Variants in CLMN observed in about 807,000 individuals in gnomAD.
The protein encoded by CLMN is calmin (calponin-like, transmembrane).
CLMN carries 57 observed loss-of-function variants against 92.7 expected under a neutral mutation model. That is an observed-to-expected ratio of 0.61 (90% confidence interval 0.50 to 0.77). The LOEUF is 0.77. Ranked by LOEUF, CLMN falls within the 30% of genes least tolerant of loss-of-function variation. The pLI is 0.00. For missense variants in CLMN, 1,158 were observed against 1,237.5 expected (o/e 0.94, Z 0.96); for synonymous variants, 466 against 470.6 (o/e 0.99, Z 0.13).
chr14:95,311,750 G>GC (rs1308699350), intron 1 of CLMN, among the ~76,000 whole-genome samples: 2 of 151,964 alleles, frequency 1.3e-5, no homozygotes, highest in Non-Finnish European at 2.9e-5. Context: ...TGACCCCATG[G>GC]CCCCCCACCA....
intron 1 of CLMN, among the ~76,000 whole-genome samples, chr14:95,295,224 G>A (rs917056341): frequency 1.3e-5 from 2 of 152,228 alleles, no homozygotes; most frequent in African/African-American, 2.4e-5. Context: ...AATGTGTTCA[G>A]GCTGCAATGC....
intron 7 of CLMN, among the ~76,000 whole-genome samples, chr14:95,209,823 C>G (rs1231809064): frequency 6.6e-6 from 1 of 152,184 alleles, no homozygotes; most frequent in Admixed American, 6.5e-5. Context: ...ATACGGAGTC[C>G]TACGTTAGCC....
chr14:95,274,794 CA>C (rs1188734147), intron 1 of CLMN, among the ~76,000 whole-genome samples: 1 of 152,172 alleles, frequency 6.6e-6, no homozygotes, highest in Non-Finnish European at 1.5e-5. Flanking sequence ...TCTTGGCCAA[CA>C]AGGTGAAACC....
chr14:95,232,455 A>G (rs1897920652), intron 1 of CLMN, among the ~76,000 whole-genome samples: 1 of 152,220 alleles, frequency 6.6e-6, no homozygotes, highest in South Asian at 2.1e-4. Context: ...ATTATTTGGC[A>G]GAATGTGGCA....
intron 1 of CLMN, among the ~76,000 whole-genome samples, chr14:95,237,807 C>A (rs1322124081): frequency 6.6e-6 from 1 of 152,172 alleles, no homozygotes; most frequent in East Asian, 1.9e-4. Context: ...GCTTTACATG[C>A]ACTTGCTCAT....
At chr14:95,208,518 T>C (rs930335789) in intron 8 of CLMN, among the ~76,000 whole-genome samples, 1 of 152,220 alleles carries the variant, frequency 6.6e-6, no homozygotes, top group African/African-American at 2.4e-5. Context: ...AAAAATCTGG[T>C]AGATGCTAAC....
At chr14:95,235,159 T>C (rs982825240) in intron 1 of CLMN, among the ~76,000 whole-genome samples, 1 of 152,192 alleles carries the variant, frequency 6.6e-6, no homozygotes, top group African/African-American at 2.4e-5. Context: ...CATGTACTCA[T>C]GTATACAATT....
intron 1 of CLMN, among the ~76,000 whole-genome samples, chr14:95,258,148 T>C (rs904435022): frequency 4.0e-5 from 6 of 151,692 alleles, no homozygotes; most frequent in African/African-American, 1.5e-4. Context: ...GGGGATATGA[T>C]ATGCGTGTAG....
chr14:95,275,038 T>C (rs1345055138), intron 1 of CLMN, among the ~76,000 whole-genome samples: 1 of 151,234 alleles, frequency 6.6e-6, no homozygotes, highest in Non-Finnish European at 1.5e-5. Context: ...ACCCTTACTG[T>C]AGGCCAGATA....
chr14:95,192,377 T>C (rs1896582477), intron 12 of CLMN: 1 of 152,212 alleles, frequency 6.6e-6, no homozygotes, highest in East Asian at 1.9e-4. Flanking sequence ...AGTGTTAAAA[T>C]GTCATTTCAG....
intron 1 of CLMN, among the ~76,000 whole-genome samples, chr14:95,281,635 T>C (rs1051758098): frequency 6.6e-6 from 1 of 152,212 alleles, no homozygotes; most frequent in African/African-American, 2.4e-5. Context: ...TGGGCACATA[T>C]TGGAATAGGC....
chr14:95,194,634 G>C lies in CLMN; in HGVS notation c.2709-38C>G, dbSNP rs1275837883. 2 of 1,601,398 alleles carry C rather than the reference G, an allele frequency of 1.2e-6. No individual in the cohort carries two copies. The highest frequency in any genetic ancestry group is 2.2e-5 in the South Asian group (2 of 90,852). ...CACATGTTTTGAATTGGTACCACCTGGAGCTCTTCATGGCTCAGTTGTACG... is the reference window on the plus strand; with the variant it reads ...CACATGTTTTGAATTGGTACCACCTCGAGCTCTTCATGGCTCAGTTGTACG... On this transcript the variant is annotated intron_variant, in intron 10 of 12. Coordinates refer to ENST00000298912, the MANE Select transcript of CLMN (RefSeq NM_024734.4). This position sits in a 1 kb window ranked among gnomAD's most constrained non-coding sequence, Gnocchi z 4.0.
At chr14:95,254,312 G>T (rs1293874265) in intron 1 of CLMN, among the ~76,000 whole-genome samples, 3 of 152,186 alleles carry the variant, frequency 2.0e-5, no homozygotes, top group African/African-American at 7.2e-5. Context: ...TAGGACGGCG[G>T]TTAGAAAATG....
chr14:95,250,790 G>A (rs1398820690), intron 1 of CLMN, among the ~76,000 whole-genome samples: 1 of 152,158 alleles, frequency 6.6e-6, no homozygotes, highest in Non-Finnish European at 1.5e-5. Context: ...GAATGCAGGG[G>A]ACTAAGGCAT....
At chr14:95,197,628 T>A (rs952656651) in intron 9 of CLMN, among the ~76,000 whole-genome samples, 4 of 152,176 alleles carry the variant, frequency 2.6e-5, no homozygotes, top group African/African-American at 9.7e-5. Context: ...AGGTGGATGG[T>A]AGTGCAACAT....
intron 1 of CLMN, among the ~76,000 whole-genome samples, chr14:95,234,182 C>A (rs565824102): frequency 5.3e-5 from 8 of 152,326 alleles, no homozygotes; most frequent in African/African-American, 1.4e-4. Context: ...GTTGGCCATG[C>A]CTCCCTCACA....
chr14:95,221,612 G>A (rs375803823), intron 4 of CLMN, 79 bp downstream of exon 4: 21 of 1,264,384 alleles, frequency 1.7e-5, no homozygotes, highest in African/African-American at 8.9e-5. Flanking sequence ...CTTCTCTTGC[G>A]ACCAGCACTG....
At chr14:95,306,749 C>T (rs953354260) in intron 1 of CLMN, among the ~76,000 whole-genome samples, 8 of 152,142 alleles carry the variant, frequency 5.3e-5, no homozygotes, top group Admixed American at 1.3e-4. Context: ...CTCTGAAGAG[C>T]ACTGACCTAC....
Position 95,184,474 on chromosome 14 carries a change from A to C in CLMN, c.*7090T>G, listed in dbSNP as rs1027618280. On this transcript the variant is annotated 3_prime_UTR_variant, in exon 13 of 13. Transcript: ENST00000298912. The stretch of plus-strand genomic sequence containing the variant: ...ATATTTAAAAACAACTTGGTCAAAC[A>C]GTACAAAATACTGGTTGTCTTTTTC... The C allele has an allele frequency of 2.0e-5, 3 of 152,282 alleles. No homozygotes were observed. The highest frequency in any genetic ancestry group is 2.9e-5 in the Non-Finnish European group (2 of 68,048). 9.4% of individuals were successfully genotyped at this position (152,282 alleles called of 1,614,324 possible).
Sources: allele counts gnomAD v4.1 joint callset (sites outside exome capture counted in the v4.1 genomes callset), GRCh38; gene constraint gnomAD v4.1.1; non-coding constraint Gnocchi (gnomAD v3.1); transcripts MANE v1.5; gene names NCBI Gene and HGNC (gene_info 2026-07-23, HGNC 2026-07-21).